The following ARHGEF26 variants were observed in gnomAD, a reference collection of about 807,000 sequenced individuals.
ARHGEF26 encodes Rho guanine nucleotide exchange factor (GEF) 26.
In ARHGEF26, 59 loss-of-function variants were observed where a neutral mutation model predicts 89.4. The observed-to-expected ratio is 0.66, with a 90% CI of 0.54 to 0.82. The LOEUF (loss-of-function observed/expected upper bound fraction) is 0.82. ARHGEF26 is among the 40% of genes least tolerant of loss of function. The probability of loss-of-function intolerance (pLI) is 0.00; values close to 1 mark genes in which losing one functional copy is unlikely to be tolerated. For missense variants in ARHGEF26, 1,234 were observed against 1,085.6 expected (o/e 1.14, Z -1.92); for synonymous variants, 500 against 428.4 (o/e 1.17, Z -2.06).
chr3:154,220,025 A>G (rs1375212145), intron 10 of ARHGEF26, among the ~76,000 whole-genome samples: 1 of 152,230 alleles, frequency 6.6e-6, no homozygotes, highest in Non-Finnish European at 1.5e-5. Context: ...AGCATAAAGT[A>G]TGGATTTACA....
chr3:154,238,767 T>G (rs1250805956), intron 11 of ARHGEF26, among the ~76,000 whole-genome samples: 1 of 152,034 alleles, frequency 6.6e-6, no homozygotes, highest in Admixed American at 6.6e-5. Flanking sequence ...AGGTGCAGAG[T>G]AGAGGAAAAG....
At chr3:154,121,853 C>T (rs948806215) in intron 1 of ARHGEF26, 89 bp from the exon 2 acceptor site, 18 of 1,196,586 alleles carry the variant, frequency 1.5e-5, no homozygotes, top group South Asian at 9.8e-5. Context: ...TGCGCAGCAG[C>T]AGGGGGACCG....
intron 4 of ARHGEF26, among the ~76,000 whole-genome samples, chr3:154,139,711 T>C (rs879709742): frequency 2.0e-5 from 3 of 152,190 alleles, no homozygotes; most frequent in African/African-American, 7.2e-5. Context: ...AAAATTACTA[T>C]TGAATCTTTA....
At chr3:154,237,575 T>TACACACACAC (rs1322838552) in intron 11 of ARHGEF26, among the ~76,000 whole-genome samples, 7 of 58,256 alleles carry the variant, frequency 1.2e-4, no homozygotes, top group Admixed American at 7.5e-4. Flanking sequence ...CACACACACT[T>TACACACACAC]AACTAGTTTA....
intron 11 of ARHGEF26, among the ~76,000 whole-genome samples, chr3:154,238,143 A>G (rs1330301043): frequency 2.0e-5 from 3 of 152,200 alleles, no homozygotes; most frequent in Admixed American, 6.5e-5. Flanking sequence ...TAGTAAACAT[A>G]GTCTTTTAAA....
chr3:154,169,688 AT>A, intron 6 of ARHGEF26, among the ~76,000 whole-genome samples: 1 of 152,338 alleles, frequency 6.6e-6, no homozygotes, highest in Non-Finnish European at 1.5e-5. Context: ...ATATTAACAA[AT>A]CAACAATATG....
At chr3:154,170,095 C>T (rs1289852232) in intron 6 of ARHGEF26, among the ~76,000 whole-genome samples, 2 of 150,862 alleles carry the variant, frequency 1.3e-5, no homozygotes, top group Admixed American at 1.3e-4. Context: ...GGCGTGGTGG[C>T]TCATGCCTGT....
intron 6 of ARHGEF26, among the ~76,000 whole-genome samples, chr3:154,169,222 G>A (rs1299801221): frequency 1.3e-5 from 2 of 152,090 alleles, no homozygotes; most frequent in Non-Finnish European, 2.9e-5. Flanking sequence ...TGCTACAGGA[G>A]CCTGATACAT....
chr3:154,154,359 G>A (rs1720199462), intron 6 of ARHGEF26, among the ~76,000 whole-genome samples: 1 of 151,684 alleles, frequency 6.6e-6, no homozygotes, highest in Non-Finnish European at 1.5e-5. Flanking sequence ...TTGCTAAGTG[G>A]TTTTAGGCTG....
intron 11 of ARHGEF26, among the ~76,000 whole-genome samples, chr3:154,227,090 A>C (rs1490702750): frequency 6.6e-6 from 1 of 152,200 alleles, no homozygotes; most frequent in African/African-American, 2.4e-5. Flanking sequence ...CCATATTATG[A>C]ATTATTTCAG....
At chr3:154,121,813 A>G in intron 1 of ARHGEF26, 129 bp from the exon 2 acceptor site, 2 of 803,240 alleles carry the variant, frequency 2.5e-6, no homozygotes, top group Non-Finnish European at 3.7e-6. Context: ...TGCCCGAGAA[A>G]GGGCGGGTAA....
chr3:154,146,459 T>C (rs1345509725), intron 4 of ARHGEF26, among the ~76,000 whole-genome samples: 5 of 152,218 alleles, frequency 3.3e-5, no homozygotes. Context: ...TTTGGGAGTT[T>C]ACCCTTTTAC....
chr3:154,238,162 G>A (rs1307259443), intron 11 of ARHGEF26, among the ~76,000 whole-genome samples: 1 of 152,100 alleles, frequency 6.6e-6, no homozygotes, highest in Non-Finnish European at 1.5e-5. Context: ...AAAAATGACC[G>A]TATTTGTTTG....
chr3:154,150,921 G>A (rs1344129472), intron 5 of ARHGEF26, among the ~76,000 whole-genome samples: 1 of 151,974 alleles, frequency 6.6e-6, no homozygotes, highest in Non-Finnish European at 1.5e-5. Context: ...GGATATTTTA[G>A]CAATTATTTT....
chr3:154,196,462 AC>A (rs1714298557), intron 9 of ARHGEF26, among the ~76,000 whole-genome samples: 2 of 152,172 alleles, frequency 1.3e-5, no homozygotes, highest in African/African-American at 4.8e-5. Flanking sequence ...ATGGCTTTGT[AC>A]CACTTTGCTA....
intron 9 of ARHGEF26, among the ~76,000 whole-genome samples, chr3:154,210,986 G>A (rs928200366): frequency 5.3e-5 from 8 of 151,564 alleles, no homozygotes; most frequent in Non-Finnish European, 1.0e-4. Flanking sequence ...GGCCTGGAAC[G>A]GGGGCCTCAC....
chr3:154,201,529 T>C (rs1177323626), intron 9 of ARHGEF26, among the ~76,000 whole-genome samples: 1 of 152,246 alleles, frequency 6.6e-6, no homozygotes, highest in Non-Finnish European at 1.5e-5. Flanking sequence ...AGTAATGGGA[T>C]GGCTGGGTCA....
chr3:154,131,168 T>C (rs1474072279), intron 4 of ARHGEF26, among the ~76,000 whole-genome samples: 1 of 152,118 alleles, frequency 6.6e-6, no homozygotes, highest in African/African-American at 2.4e-5. Context: ...CTGGTATATG[T>C]AGGTGATAGG....
intron 6 of ARHGEF26, among the ~76,000 whole-genome samples, chr3:154,177,271 G>A (rs2108153183): frequency 6.6e-6 from 1 of 152,256 alleles, no homozygotes; most frequent in East Asian, 1.9e-4. Flanking sequence ...TAAGATTTTG[G>A]GATATGAAAC....
Sources: gnomAD v4.1 joint callset for allele counts (sites outside exome capture counted in the v4.1 genomes callset) on GRCh38, gnomAD v4.1.1 for gene constraint, MANE v1.5 for transcripts, NCBI Gene and HGNC (gene_info 2026-07-23, HGNC 2026-07-21) for gene names.